Variants in NDUFA9 observed in about 807,000 individuals in gnomAD.
The protein encoded by NDUFA9 is NADH dehydrogenase [ubiquinone] 1 alpha subcomplex subunit 9, mitochondrial.
NDUFA9 carries 23 observed loss-of-function variants against 45.9 expected under a neutral mutation model. The observed-to-expected ratio is 0.50, with a 90% CI of 0.36 to 0.71. The LOEUF is 0.71. NDUFA9 is among the 30% of genes least tolerant of loss of function. The pLI, the probability that NDUFA9 is intolerant of heterozygous loss-of-function variation, is 0.00. For missense variants in NDUFA9, 466 were observed against 488.2 expected, an observed-to-expected ratio of 0.95 and a Z score of 0.43; for synonymous variants, 176 against 170.5, an observed-to-expected ratio of 1.03 and a Z score of -0.25.
intron 7 of NDUFA9, 137 bp from the exon 8 acceptor site, chr12:4,669,604 G>A (rs1945874348): frequency 1.7e-6 from 1 of 574,012 alleles, no homozygotes. Context: ...TTTCTTTGTT[G>A]AGATCAGTGT....
intron 7 of NDUFA9, 79 bp downstream of exon 7, chr12:4,668,603 CTAATTTAG>C: frequency 7.7e-7 from 1 of 1,290,376 alleles, no homozygotes; most frequent in South Asian, 1.2e-5. Context: ...TGGTTTTGTC[CTAATTTAG>C]TAACTCTGTC....
chr12:4,665,624 T>C (rs1208030075), intron 6 of NDUFA9, among the ~76,000 whole-genome samples: 1 of 152,172 alleles, frequency 6.6e-6, no homozygotes, highest in East Asian at 1.9e-4. Flanking sequence ...GGTATATCTA[T>C]TTTTACTTTT....
intron 4 of NDUFA9, 109 bp from the exon 5 acceptor site, chr12:4,658,927 T>C (rs991659287): frequency 3.4e-6 from 4 of 1,167,410 alleles, no homozygotes; most frequent in Admixed American, 4.5e-5. Flanking sequence ...TGTTTAAAAG[T>C]TTAAGTAGTG....
intron 9 of NDUFA9, 191 bp from the exon 10 acceptor site, chr12:4,685,068 G>C (rs762438947): frequency 1.4e-6 from 1 of 699,084 alleles, no homozygotes; most frequent in Admixed American, 2.0e-5. Flanking sequence ...GCAGCCGACT[G>C]GGTTGGCTTG....
At chr12:4,653,101 A>G (rs1945768708) in intron 1 of NDUFA9, among the ~76,000 whole-genome samples, 1 of 152,278 alleles carries the variant, frequency 6.6e-6, no homozygotes, top group South Asian at 2.1e-4. Flanking sequence ...TTCTACTTAC[A>G]TGAAAGTTGA....
intron 8 of NDUFA9, among the ~76,000 whole-genome samples, chr12:4,681,713 A>T (rs1050989591): frequency 1.3e-5 from 2 of 151,636 alleles, no homozygotes; most frequent in African/African-American, 4.8e-5. Context: ...GTCTACATTG[A>T]CCCAGTTCCA....
rs1945994125 is a variant in NDUFA9, at chr12:4,687,327, T to C, written c.*219T>C. On this transcript the variant is annotated 3_prime_UTR_variant, in exon 11 of 11. Coordinates refer to ENST00000266544, the MANE Select transcript of NDUFA9 (RefSeq NM_005002.5). ...TTGTTAAACATATTTAATAATGATA[T>C]ATATACTATTTATTCTCTGAAATGC... 2.5e-6 allele frequency: 1 copy of C among 393,010 alleles called. No homozygotes were observed. The allele number at this position is 393,010 out of a possible 1,614,324, so 24.3% of individuals were successfully genotyped here. A position where few individuals can be genotyped will look rare whatever the true frequency, so the allele number is the denominator to read the frequency against.
In NDUFA9 at chr12:4,654,357, G is replaced by A. The variant is rs746773892; in HGVS notation, c.115G>A (p.Ala39Thr). 13 of 1,614,140 alleles carry A rather than the reference G, an allele frequency of 8.1e-6. No homozygotes were observed. Among genetic ancestry groups the A allele is most frequent in the Non-Finnish European group, 1.7e-6 (2 of 1,180,010 alleles). The change falls in exon 2 of 11, where the codon GCC becomes ACC. Residue 39 changes from alanine to threonine, a missense_variant. Physicochemically the swap from Ala to Thr is moderately conservative, Grantham distance 58. Coordinates refer to ENST00000266544, the MANE Select transcript of NDUFA9 (RefSeq NM_005002.5). Reference protein sequence around the residue: ...HGPPCRQLHHALMPHGKGGRS... With the variant: ...HGPPCRQLHHTLMPHGKGGRS... Reference sequence around the variant, plus strand: ...CCCACCCTGTCGCCAGCTTCATCATGCCCTCATGCCTCATGGGAAAGGTGG... The same window carrying A: ...CCCACCCTGTCGCCAGCTTCATCATACCCTCATGCCTCATGGGAAAGGTGG...
intron 9 of NDUFA9, among the ~76,000 whole-genome samples, chr12:4,682,559 C>T (rs1945960037): frequency 6.6e-6 from 1 of 152,228 alleles, no homozygotes; most frequent in Admixed American, 6.5e-5. Flanking sequence ...TCACTTTCTC[C>T]AATTTAAAAC....
At chr12:4,686,737 C>T (rs1169640241) in intron 10 of NDUFA9, among the ~76,000 whole-genome samples, 1 of 152,142 alleles carries the variant, frequency 6.6e-6, no homozygotes, top group East Asian at 1.9e-4. Flanking sequence ...GGTGATCTCG[C>T]CCTCTTTTGT....
rs1030935033 is a variant in NDUFA9 at position 4,690,177 on chromosome 12, A to G, written c.*3069A>G. The G allele has an allele frequency of 3.3e-5, 5 of 152,220 alleles. No individual in the cohort carries two copies. The highest frequency in any genetic ancestry group is 7.2e-5 in the African/African-American group (3 of 41,446). The allele number at this position is 152,220 out of a possible 1,614,324, so 9.4% of individuals were successfully genotyped here. A position where few individuals can be genotyped will look rare whatever the true frequency, so the allele number is the denominator to read the frequency against. On this transcript the variant is annotated 3_prime_UTR_variant, in exon 11 of 11. Coordinates refer to ENST00000266544, the MANE Select transcript of NDUFA9 (RefSeq NM_005002.5). ...ACCTTTCTAGGGATTCAGGTTGCAC[A>G]TTACCTGATTCTCACAGTTGATTTG...
In NDUFA9 at chr12:4,686,943, C is replaced by T; in HGVS notation, c.969C>T (p.His323=). 6.2e-7 allele frequency: 1 copy of T among 1,613,882 alleles called. No homozygotes were observed. The highest frequency in any genetic ancestry group is 1.3e-5 in the African/African-American group (1 of 75,044). Residue 323 remains histidine (H), a synonymous_variant, in exon 11 of 11, where the codon CAC becomes CAT. Coordinates refer to ENST00000266544, the MANE Select transcript of NDUFA9 (RefSeq NM_005002.5). ...GGTCCTTTGTTTATCCAAAGATGCA[C>T]ATCACAGACATGAAATTGCCTCACC... ...WITRDKVERM[H]ITDMKLPHLP...
At chr12:4,658,437 G>T (rs1285326376) in intron 4 of NDUFA9, among the ~76,000 whole-genome samples, 2 of 152,062 alleles carry the variant, frequency 1.3e-5, no homozygotes, top group South Asian at 2.1e-4. Context: ...CCCCCCTAAT[G>T]ATTAACATAG....
At chr12:4,686,458 G>C (rs559630802) in intron 10 of NDUFA9, among the ~76,000 whole-genome samples, 1 of 149,982 alleles carries the variant, frequency 6.7e-6, no homozygotes, top group Non-Finnish European at 1.5e-5. Context: ...AGGAACAAAT[G>C]TTGTGTTATC....
Position 4,665,340 on chromosome 12 carries a change from C to T in NDUFA9, c.655+2705C>T, listed in dbSNP as rs936970209. Reference sequence around the variant, plus strand: ...ATAAGTGGAATCATACAGTATTTGTCTTTTCGTAGCTGGCTTATTTGACTT... The same window carrying T: ...ATAAGTGGAATCATACAGTATTTGTTTTTTCGTAGCTGGCTTATTTGACTT... On this transcript the variant is annotated intron_variant, in intron 6 of 10. Coordinates refer to ENST00000266544, the MANE Select transcript of NDUFA9 (RefSeq NM_005002.5). Among the ~76,000 whole-genome samples the T allele has an allele frequency of 2.0e-5, 3 of 152,190 alleles. No homozygotes were observed. The South Asian group carries it at 6.2e-4, about 32-fold the overall frequency.
intron 3 of NDUFA9, among the ~76,000 whole-genome samples, chr12:4,656,197 A>G (rs757498863): frequency 2.6e-5 from 4 of 152,228 alleles, no homozygotes; most frequent in African/African-American, 4.8e-5. Flanking sequence ...AGCTAAGTAT[A>G]ATACTTGTAT....
In NDUFA9 at chr12:4,659,130, C is replaced by G. The variant is rs375583788; in HGVS notation, c.505C>G (p.His169Asp). 2.2e-5 allele frequency: 36 copies of G among 1,609,898 alleles called. No individual in the cohort carries two copies. Among genetic ancestry groups the G allele is most frequent in the Non-Finnish European group, 2.9e-5 (34 of 1,176,334 alleles). ...AGTTGAAAAATTCATTCATGTTTCACATCTGAATGCGAATATTAAAAGCTC... is the reference window on the plus strand; with the variant it reads ...AGTTGAAAAATTCATTCATGTTTCAGATCTGAATGCGAATATTAAAAGCTC... ...AGVEKFIHVS[H>D]LNANIKSSSR... The change falls in exon 5 of 11, where the codon CAT becomes GAT. Residue 169 changes from histidine to aspartate, a missense_variant. Coordinates refer to ENST00000266544, the MANE Select transcript of NDUFA9 (RefSeq NM_005002.5).
At chr12:4,671,110 A>C (rs1394197359) in intron 8 of NDUFA9, among the ~76,000 whole-genome samples, 3 of 152,122 alleles carry the variant, frequency 2.0e-5, no homozygotes, top group African/African-American at 7.2e-5. Flanking sequence ...CCAGGAAAAA[A>C]CTTTGCTTCT....
chr12:4,651,624 G>C (rs10744657), intron 1 of NDUFA9, among the ~76,000 whole-genome samples: 1 of 152,182 alleles, frequency 6.6e-6, no homozygotes, highest in African/African-American at 2.4e-5. Context: ...AATGTGCTAC[G>C]TGGTTTATGT....
Sources: gnomAD v4.1 joint callset for allele counts (sites outside exome capture counted in the v4.1 genomes callset) on GRCh38, gnomAD v4.1.1 for gene constraint, MANE v1.5 for transcripts, NCBI Gene and HGNC (gene_info 2026-07-23, HGNC 2026-07-21) for gene names.